ELMO1: variants seen among roughly 807,000 people sequenced by gnomAD.
ELMO1 encodes engulfment and cell motility protein 1.
Under a neutral mutation model 98.9 loss-of-function variants are expected in ELMO1, and 26 were observed. The ratio of observed to expected loss-of-function variants is 0.26; its 90% CI spans 0.19 to 0.36. The LOEUF (loss-of-function observed/expected upper bound fraction) is 0.36, where lower values mean the gene tolerates loss of function less well. ELMO1 is among the 10% of genes least tolerant of loss of function. ELMO1 has a pLI of 1.00. For missense variants in ELMO1, 627 were observed against 935.2 expected (o/e 0.67, Z 4.30); for synonymous variants, 346 against 346.0 (o/e 1.00, Z 0.00).
chr7:37,217,391 T>A (rs1448013172), intron 10 of ELMO1, among the ~76,000 whole-genome samples: 1 of 152,166 alleles, frequency 6.6e-6, no homozygotes, highest in Non-Finnish European at 1.5e-5. Flanking sequence ...AAATAGTATA[T>A]CAAGCATAGT....
At chr7:37,091,766 G>C in intron 15 of ELMO1, among the ~76,000 whole-genome samples, 1 of 152,146 alleles carries the variant, frequency 6.6e-6, no homozygotes, top group East Asian at 1.9e-4. Context: ...CACGTGGCTG[G>C]GGAGGCCTCA....
At chr7:37,381,175 A>T (rs937120338) in intron 1 of ELMO1, among the ~76,000 whole-genome samples, 2 of 152,256 alleles carry the variant, frequency 1.3e-5, no homozygotes, top group Admixed American at 1.3e-4. Context: ...CTGGATTCTC[A>T]AATACAGAAT....
chr7:37,420,396 T>C (rs1180171729), intron 1 of ELMO1, among the ~76,000 whole-genome samples: 1 of 152,226 alleles, frequency 6.6e-6, no homozygotes, highest in African/African-American at 2.4e-5. Context: ...GCCCTGCCCA[T>C]TCTCATTCTA....
chr7:37,366,115 G>A (rs1327827371), intron 1 of ELMO1, among the ~76,000 whole-genome samples: 1 of 152,120 alleles, frequency 6.6e-6, no homozygotes, highest in African/African-American at 2.4e-5. Flanking sequence ...GGGGCTAAAA[G>A]ATGAGAAAGA....
At chr7:36,921,547 C>T (rs374485821) in intron 16 of ELMO1, among the ~76,000 whole-genome samples, 1 of 152,182 alleles carries the variant, frequency 6.6e-6, no homozygotes, top group East Asian at 1.9e-4. Flanking sequence ...ATGACTACTA[C>T]TCCTTTCTCA....
At chr7:37,399,518 C>G (rs1456778923) in intron 1 of ELMO1, among the ~76,000 whole-genome samples, 1 of 152,198 alleles carries the variant, frequency 6.6e-6, no homozygotes, top group Non-Finnish European at 1.5e-5. Flanking sequence ...GGTGGGGAAG[C>G]CAAGCACTTG....
chr7:36,881,068 C>T (rs933912237), intron 18 of ELMO1, among the ~76,000 whole-genome samples: 2 of 152,162 alleles, frequency 1.3e-5, no homozygotes, highest in Non-Finnish European at 2.9e-5. Context: ...AAGATTGGTA[C>T]ATCACAGATA....
intron 1 of ELMO1, among the ~76,000 whole-genome samples, chr7:37,396,926 T>C (rs13233413): frequency 0.14 from 22,014 of 152,162 alleles, 1,742 homozygotes; most frequent in East Asian, 0.19. Flanking sequence ...AAGAGGACAA[T>C]TGGTAGCATC....
intron 1 of ELMO1, among the ~76,000 whole-genome samples, chr7:37,400,132 G>A (rs1393033388): frequency 6.6e-6 from 1 of 152,160 alleles, no homozygotes; most frequent in African/African-American, 2.4e-5. Context: ...TTATTTTGGA[G>A]GGAGTTATAC....
chr7:37,166,778 T>C (rs565632220), intron 13 of ELMO1, among the ~76,000 whole-genome samples: 3 of 152,184 alleles, frequency 2.0e-5, no homozygotes, highest in African/African-American at 7.2e-5. Context: ...AATTTTGGAA[T>C]AGGTGTGGTG....
rs535836449 is a variant in ELMO1 at position 37,179,499 on chromosome 7, G to A, written c.1086+31887C>T. On this transcript the variant is annotated intron_variant, in intron 13 of 21. Coordinates refer to ENST00000310758, the MANE Select transcript of ELMO1 (RefSeq NM_014800.11). ...TCACTATGTTGCCCAGGCTGGTCTC[G>A]ACCTCCTGACCTTGTGATCCGCCTG... 3.8e-3 allele frequency among the ~76,000 whole-genome samples: 573 copies of A among 151,988 alleles called. 2 individuals carry two copies. The highest frequency in any genetic ancestry group is 0.016 in the South Asian group (76 of 4,796).
chr7:36,905,595 G>T (rs947084356), intron 16 of ELMO1, among the ~76,000 whole-genome samples: 1 of 152,190 alleles, frequency 6.6e-6, no homozygotes, highest in Non-Finnish European at 1.5e-5. Context: ...AACATTCAGG[G>T]TGTTTACCAA....
At chr7:36,962,543 C>T (rs1308929732) in intron 16 of ELMO1, among the ~76,000 whole-genome samples, 1 of 151,838 alleles carries the variant, frequency 6.6e-6, no homozygotes, top group Non-Finnish European at 1.5e-5. Context: ...AGAGTCAGGG[C>T]ATTTTTCAGG....
At chr7:37,174,842 A>G (rs1307032084) in intron 13 of ELMO1, among the ~76,000 whole-genome samples, 2 of 152,282 alleles carry the variant, frequency 1.3e-5, no homozygotes, top group East Asian at 3.9e-4. Flanking sequence ...CCTTTAAATC[A>G]CTTGTAAGCA....
chr7:37,039,793 T>C (rs981803223), intron 15 of ELMO1, among the ~76,000 whole-genome samples: 12 of 152,242 alleles, frequency 7.9e-5, no homozygotes, highest in Non-Finnish European at 1.5e-4. Flanking sequence ...TGGTTTTATT[T>C]GTTGACATGA....
At chr7:36,929,726 T>G (rs1024299974) in intron 16 of ELMO1, among the ~76,000 whole-genome samples, 1 of 152,224 alleles carries the variant, frequency 6.6e-6, no homozygotes, top group African/African-American at 2.4e-5. Context: ...TAGCTGGCGA[T>G]GTATACTGAA....
intron 1 of ELMO1, among the ~76,000 whole-genome samples, chr7:37,413,426 C>T (rs1293654854): frequency 6.6e-6 from 1 of 152,166 alleles, no homozygotes; most frequent in Non-Finnish European, 1.5e-5. Flanking sequence ...ACAGAAAATA[C>T]CTTACACATA....
chr7:37,276,947 C>T (rs1796870096), intron 4 of ELMO1, among the ~76,000 whole-genome samples: 1 of 152,174 alleles, frequency 6.6e-6, no homozygotes, highest in African/African-American at 2.4e-5. Context: ...TGTGCTTTTA[C>T]TTATGCATCT....
At chr7:37,413,443 T>C (rs2052687) in intron 1 of ELMO1, among the ~76,000 whole-genome samples, 25,492 of 152,232 alleles carry the variant, frequency 0.17, 2,312 homozygotes, top group South Asian at 0.26. Context: ...CATAGTGGGC[T>C]TTTGGTTGAT....
Sources: allele counts gnomAD v4.1 joint callset (sites outside exome capture counted in the v4.1 genomes callset), GRCh38; gene constraint gnomAD v4.1.1; transcripts MANE v1.5; gene names NCBI Gene and HGNC (gene_info 2026-07-23, HGNC 2026-07-21).